Variants in COLEC10 observed in about 807,000 individuals in gnomAD.
The protein encoded by COLEC10 is collectin subfamily member 10, also known as collectin-10.
In COLEC10, 22 loss-of-function variants were observed where a neutral mutation model predicts 28.4. The ratio of observed to expected loss-of-function variants is 0.78; its 90% confidence interval spans 0.55 to 1.11. The LOEUF (loss-of-function observed/expected upper bound fraction) is 1.11, where lower values mean the gene tolerates loss of function less well. COLEC10 is among the 50% of genes least tolerant of loss of function. The pLI, the probability that COLEC10 is intolerant of heterozygous loss-of-function variation, is 0.00. For synonymous variants in COLEC10, 125 were observed against 116.1 expected (o/e 1.08, Z -0.49); for missense variants, 361 against 344.1 (o/e 1.05, Z -0.39).
intron 2 of COLEC10, among the ~76,000 whole-genome samples, chr8:119,027,575 C>G (rs1563721146): frequency 6.6e-6 from 1 of 152,132 alleles, no homozygotes; most frequent in Non-Finnish European, 1.5e-5. Context: ...AGAGGGACAA[C>G]AATTTTTTCT....
chr8:119,015,225 T>C lies in COLEC10; in HGVS notation n.235+5672T>C, dbSNP rs189407805. On this transcript the variant is annotated intron_variant and non_coding_transcript_variant, in intron 2 of 6. Coordinates refer to the COLEC10 transcript ENST00000521788. ...GGTGATATGGTGGGGAGGTGAAGCA[T>C]TGTGTAGGCTTCTGAGTAGGTCTCG... 3.2e-4 allele frequency among the ~76,000 whole-genome samples: 48 copies of C among 150,978 alleles called. No homozygotes were observed. The East Asian group carries it at 6.8e-3, about 21-fold the overall frequency.
chr8:119,007,459 G>T (rs1349819534), intron 1 of COLEC10, among the ~76,000 whole-genome samples: 1 of 144,894 alleles, frequency 6.9e-6, no homozygotes, highest in Non-Finnish European at 1.5e-5. Flanking sequence ...AAAACGTTTA[G>T]AAATTATTGG....
chr8:119,075,496 T>G (rs1225649205), intron 1 of COLEC10, among the ~76,000 whole-genome samples: 2 of 152,230 alleles, frequency 1.3e-5, no homozygotes, highest in Non-Finnish European at 2.9e-5. Flanking sequence ...CTTTTCAAAT[T>G]ATTTACTGCT....
Position 119,035,834 on chromosome 8 carries a change from T to G in COLEC10, n.235+26281T>G, listed in dbSNP as rs575864198. On this transcript the variant is annotated intron_variant and non_coding_transcript_variant, in intron 2 of 6. Coordinates refer to the COLEC10 transcript ENST00000521788. ...CTATCAAGGATGTGTGGTTCGGCTTTTGAAGTCAGTTTCAATAGATTTTCA... is the reference window on the plus strand; with the variant it reads ...CTATCAAGGATGTGTGGTTCGGCTTGTGAAGTCAGTTTCAATAGATTTTCA... Among the ~76,000 whole-genome samples the G allele has an allele frequency of 1.8e-3, 281 of 152,346 alleles. 1 individual carries two copies. The highest frequency in any genetic ancestry group is 5.5e-3 in the African/African-American group (228 of 41,584).
chr8:118,963,670 T>C, the COLEC10 span, among the ~76,000 whole-genome samples: 1 of 152,230 alleles, frequency 6.6e-6, no homozygotes, highest in African/African-American at 2.4e-5. Context: ...CAACAGAGCA[T>C]GCTTGAACTG....
At chr8:119,003,316 A>T (rs1333120716) in intron 1 of COLEC10, among the ~76,000 whole-genome samples, 1 of 152,082 alleles carries the variant, frequency 6.6e-6, no homozygotes, top group Non-Finnish European at 1.5e-5. Flanking sequence ...CGTCTGCAAA[A>T]TGAAGTATAC....
the COLEC10 span, among the ~76,000 whole-genome samples, chr8:118,981,556 A>C: frequency 6.6e-6 from 1 of 152,110 alleles, no homozygotes; most frequent in Admixed American, 6.6e-5. Context: ...TTGGGTAAAA[A>C]TGAGATATTC....
intron 2 of COLEC10, among the ~76,000 whole-genome samples, chr8:119,055,898 A>G (rs374622806): frequency 6.6e-6 from 1 of 151,982 alleles, no homozygotes; most frequent in Non-Finnish European, 1.5e-5. Flanking sequence ...ATTCACTCCA[A>G]TGACTTTAAT....
At chr8:118,960,735 C>T in the COLEC10 span, among the ~76,000 whole-genome samples, 37,754 of 144,456 alleles carry the variant, frequency 0.26, 5,129 homozygotes, top group East Asian at 0.49. Flanking sequence ...TGCACTGAGC[C>T]GAGATTGTGC....
the COLEC10 span, among the ~76,000 whole-genome samples, chr8:118,978,635 C>A: frequency 6.6e-6 from 1 of 151,810 alleles, no homozygotes; most frequent in African/African-American, 2.4e-5. Flanking sequence ...ACATAAATCA[C>A]CTTGCATTAT....
chr8:119,039,645 G>T (rs1239859125), intron 2 of COLEC10, among the ~76,000 whole-genome samples: 1 of 152,108 alleles, frequency 6.6e-6, no homozygotes, highest in Non-Finnish European at 1.5e-5. Flanking sequence ...TCCAAAGATG[G>T]GTATCACTAG....
chr8:118,992,808 A>G (rs1813524887), upstream of COLEC10, among the ~76,000 whole-genome samples: 1 of 152,210 alleles, frequency 6.6e-6, no homozygotes, highest in Admixed American at 6.5e-5. Context: ...ATCAAACATT[A>G]TACCATAAAC....
chr8:118,954,603 C>T, the COLEC10 span, among the ~76,000 whole-genome samples: 1 of 152,250 alleles, frequency 6.6e-6, no homozygotes, highest in Non-Finnish European at 1.5e-5. Flanking sequence ...GTAACTTTAA[C>T]CTTCTGTTTC....
At chr8:119,089,839 C>A in intron 2 of COLEC10, 88 bp downstream of exon 2, 2 of 1,023,478 alleles carry the variant, frequency 2.0e-6, no homozygotes, top group Non-Finnish European at 3.0e-6. Flanking sequence ...TAGCAGCTTT[C>A]ATAATGCCCT....
At chr8:119,064,985 A>C (rs1814925587), upstream of COLEC10, among the ~76,000 whole-genome samples, 1 of 152,200 alleles carries the variant, frequency 6.6e-6, no homozygotes, top group Non-Finnish European at 1.5e-5. Context: ...CTATTCAATC[A>C]GTGCTAGTTT....
chr8:118,952,573 T>C, the COLEC10 span, among the ~76,000 whole-genome samples: 1 of 152,250 alleles, frequency 6.6e-6, no homozygotes, highest in Admixed American at 6.5e-5. Flanking sequence ...AAGCCCGTGC[T>C]ATTCTGCATT....
intron 2 of COLEC10, among the ~76,000 whole-genome samples, chr8:119,021,531 G>A (rs933267956): frequency 8.5e-5 from 13 of 152,144 alleles, no homozygotes; most frequent in African/African-American, 3.1e-4. Context: ...GGCTTTCTGG[G>A]GAGAGGAATG....
chr8:119,078,017 A>C (rs1261678308), intron 1 of COLEC10, among the ~76,000 whole-genome samples: 1 of 152,126 alleles, frequency 6.6e-6, no homozygotes, highest in Non-Finnish European at 1.5e-5. Context: ...ATAGTGTCAC[A>C]CTCTTTCAAA....
chr8:118,994,157 G>A (rs1365488521), upstream of COLEC10, among the ~76,000 whole-genome samples: 1 of 152,142 alleles, frequency 6.6e-6, no homozygotes, highest in Non-Finnish European at 1.5e-5. Flanking sequence ...TGCTTTCTAA[G>A]TGTGGCCTCC....
Sources: gnomAD v4.1 joint callset for allele counts (sites outside exome capture counted in the v4.1 genomes callset) on GRCh38, gnomAD v4.1.1 for gene constraint, MANE v1.5 for transcripts, NCBI Gene and HGNC (gene_info 2026-07-23, HGNC 2026-07-21) for gene names.